The following NUDCD3 variants were observed in gnomAD, a reference collection of about 807,000 sequenced individuals.
NUDCD3 encodes NudC domain containing 3.
A neutral mutation model predicts 39.7 loss-of-function variants in NUDCD3; 13 were observed. The ratio of observed to expected loss-of-function variants is 0.33; its 90% CI spans 0.21 to 0.52. The LOEUF is 0.52. Ranked by LOEUF, NUDCD3 falls within the 20% of genes least tolerant of loss-of-function variation. The pLI is 0.96. For missense variants in NUDCD3, 453 were observed against 458.1 expected (o/e 0.99, Z 0.10); for synonymous variants, 175 against 172.4 (o/e 1.02, Z -0.12).
At chr7:44,487,291 C>T (rs1019295259) in intron 1 of NUDCD3, among the ~76,000 whole-genome samples, 1 of 152,140 alleles carries the variant, frequency 6.6e-6, no homozygotes, top group Non-Finnish European at 1.5e-5. Flanking sequence ...CAACACTGTA[C>T]TCCCCAAAAT....
In NUDCD3 at chr7:44,456,994, C is replaced by T. The variant is rs1245318796; in HGVS notation, c.509+27974G>A. On this transcript the variant is annotated intron_variant, in intron 2 of 5. Transcript: ENST00000355451. ...TCACATCCTGGGAATTCCCTCAGTC[C>T]TAGGTAAACTATTTACCCAGATATA... is the stretch of plus-strand genomic sequence containing the variant. Among the ~76,000 whole-genome samples, 4 of 151,884 alleles carry T rather than the reference C, an allele frequency of 2.6e-5. No homozygotes were observed. The East Asian group carries it at 5.8e-4, about 22-fold the overall frequency.
intron 3 of NUDCD3, among the ~76,000 whole-genome samples, chr7:44,412,071 A>G (rs563252858): frequency 3.7e-4 from 57 of 152,372 alleles, no homozygotes; most frequent in African/African-American, 1.3e-3. Context: ...GCCAGAGGTC[A>G]TCACCCTTAG....
At position 44,386,056 on chromosome 7, in the gene NUDCD3, G is replaced by A. The variant is rs1179552271; in HGVS notation, c.1041C>T (p.Phe347=). 2.5e-6 allele frequency: 4 copies of A among 1,611,518 alleles called. No individual in the cohort carries two copies. Among genetic ancestry groups the A allele is most frequent in the Non-Finnish European group, 8.5e-7 (1 of 1,177,612 alleles). ...GGGAGATGTTGAACATGGCAGGGTCGAATCGCTGGCCTCGGAAGGGAGAAC... is the reference window on the plus strand; with the variant it reads ...GGGAGATGTTGAACATGGCAGGGTCAAATCGCTGGCCTCGGAAGGGAGAAC... ...AEGSPFRGQR[F]DPAMFNISPG... Residue 347 remains phenylalanine (F), a synonymous_variant, in exon 6 of 6, where the codon TTC becomes TTT. Transcript: ENST00000355451.
At chr7:44,435,278 A>G (rs74936083) in intron 2 of NUDCD3, among the ~76,000 whole-genome samples, 50 of 152,298 alleles carry the variant, frequency 3.3e-4, no homozygotes, top group Non-Finnish European at 5.3e-4. Flanking sequence ...CTGGAGATGT[A>G]GCTAGTCCCC....
chr7:44,396,087 TTGTG>T (rs10585173), intron 4 of NUDCD3, among the ~76,000 whole-genome samples: 2,642 of 144,800 alleles, frequency 0.018, 19 homozygotes, highest in South Asian at 0.033. Flanking sequence ...TTATCTTCTG[TTGTG>T]TGTGTGTGTG....
In NUDCD3 at chr7:44,404,545, G is replaced by A. The variant is rs1353316288; in HGVS notation, c.681C>T (p.Ala227=). 6.2e-7 allele frequency: 1 copy of A among 1,613,996 alleles called. No individual in the cohort carries two copies. Among genetic ancestry groups the A allele is most frequent in the South Asian group, 1.1e-5 (1 of 91,058 alleles). Residue 227 remains alanine, a synonymous_variant, in exon 4 of 6, where the codon GCC becomes GCT. Coordinates refer to ENST00000355451, the MANE Select transcript of NUDCD3 (RefSeq NM_015332.4). ...CGCGCTCCCCATTTTCCTCCAGCAT[G>A]GCCACACGAATGGAGCTGCTGCTAA... The part of the protein sequence containing the change: ...VALSSSSIRV[A]MLEENGERVL...
intron 2 of NUDCD3, among the ~76,000 whole-genome samples, chr7:44,462,956 T>C (rs1421167685): frequency 2.1e-5 from 3 of 143,734 alleles, no homozygotes; most frequent in Non-Finnish European, 4.6e-5. Flanking sequence ...TGTGTGTGTG[T>C]GTGTGTGTGT....
intron 4 of NUDCD3, among the ~76,000 whole-genome samples, chr7:44,400,648 C>T: frequency 6.6e-6 from 1 of 152,338 alleles, no homozygotes; most frequent in Non-Finnish European, 1.5e-5. Flanking sequence ...ACTCTGAAAT[C>T]AAGGTGTCAG....
chr7:44,443,442 G>A (rs1163095432), intron 2 of NUDCD3, among the ~76,000 whole-genome samples: 2 of 150,750 alleles, frequency 1.3e-5, no homozygotes, highest in African/African-American at 2.4e-5. Flanking sequence ...ATGGGGTCTC[G>A]CTCTGTCGCC....
chr7:44,404,394 G>A, intron 4 of NUDCD3, 46 bp downstream of exon 4: 1 of 1,596,618 alleles, frequency 6.3e-7, no homozygotes. Flanking sequence ...ATCACTGCAG[G>A]TTTGAAGTCC....
chr7:44,468,106 G>A, intron 2 of NUDCD3: 1 of 1,609,858 alleles, frequency 6.2e-7, no homozygotes. Context: ...AGCACATGCT[G>A]CCCAGTGGCT....
intron 2 of NUDCD3, among the ~76,000 whole-genome samples, chr7:44,456,929 T>C (rs1216407141): frequency 2.6e-5 from 4 of 152,096 alleles, no homozygotes; most frequent in Non-Finnish European, 5.9e-5. Flanking sequence ...AAGCTCATCC[T>C]GGTTTGTCCA....
intron 3 of NUDCD3, among the ~76,000 whole-genome samples, chr7:44,409,402 G>A (rs1798881851): frequency 6.6e-6 from 1 of 152,136 alleles, no homozygotes; most frequent in Non-Finnish European, 1.5e-5. Context: ...AGATTTCACT[G>A]GTCAGACACA....
chr7:44,389,113 G>A (rs1242720119), intron 5 of NUDCD3, among the ~76,000 whole-genome samples: 1 of 152,248 alleles, frequency 6.6e-6, no homozygotes, highest in Non-Finnish European at 1.5e-5. Flanking sequence ...CCACTGAATT[G>A]CCCTCAGAGC....
chr7:44,392,833 A>G (rs567092509), intron 4 of NUDCD3, among the ~76,000 whole-genome samples: 24 of 151,740 alleles, frequency 1.6e-4, no homozygotes, highest in African/African-American at 5.3e-4. Flanking sequence ...AAGAAAGGCT[A>G]TTTTCCAAGA....
At chr7:44,427,776 T>C (rs1384387487) in intron 2 of NUDCD3, 73 bp from the exon 3 acceptor site, 1 of 1,521,752 alleles carries the variant, frequency 6.6e-7, no homozygotes, top group South Asian at 1.2e-5. Flanking sequence ...GCCTAGCCCA[T>C]GCCACTCCTA....
chr7:44,429,366 G>A (rs1165713621), intron 2 of NUDCD3, among the ~76,000 whole-genome samples: 2 of 152,172 alleles, frequency 1.3e-5, no homozygotes, highest in Admixed American at 1.3e-4. Flanking sequence ...GGGGACTTTG[G>A]AGAGATGACG....
At chr7:44,419,158 G>A (rs943126171) in intron 3 of NUDCD3, among the ~76,000 whole-genome samples, 3 of 152,242 alleles carry the variant, frequency 2.0e-5, no homozygotes, top group South Asian at 2.1e-4. Flanking sequence ...GGGGAAGGGC[G>A]CCTGCCATTA....
At chr7:44,469,446 T>A (rs907391910) in intron 2 of NUDCD3, among the ~76,000 whole-genome samples, 7 of 152,160 alleles carry the variant, frequency 4.6e-5, no homozygotes, top group African/African-American at 1.7e-4. Flanking sequence ...GAGAGAATGA[T>A]AAAAATAGAA....
Sources: allele counts gnomAD v4.1 joint callset (sites outside exome capture counted in the v4.1 genomes callset), GRCh38; gene constraint gnomAD v4.1.1; transcripts MANE v1.5; gene names NCBI Gene and HGNC (gene_info 2026-07-23, HGNC 2026-07-21).